Variants in LRRC7 observed in about 807,000 individuals in gnomAD.
LRRC7 encodes leucine rich repeat containing 7.
In LRRC7, 23 loss-of-function variants were observed where a neutral mutation model predicts 175.7. That is an observed-to-expected ratio of 0.13 (90% CI 0.09 to 0.19). The LOEUF is 0.19. Among genes scored for constraint, LRRC7 ranks in the 10% least tolerant of loss-of-function variants. The pLI is 1.00. For synonymous variants in LRRC7, 685 were observed against 680.9 expected (o/e 1.01, Z -0.09); for missense variants, 1,354 against 1,904.7 (o/e 0.71, Z 5.38).
intron 9 of LRRC7, among the ~76,000 whole-genome samples, chr1:69,982,341 G>A (rs189162698): frequency 6.6e-6 from 1 of 152,286 alleles, no homozygotes; most frequent in East Asian, 1.9e-4. Flanking sequence ...GCCAGAAATA[G>A]CCATGGCTTT....
chr1:69,675,502 GT>G, intron 1 of LRRC7, among the ~76,000 whole-genome samples: 2 of 152,210 alleles, frequency 1.3e-5, no homozygotes, highest in South Asian at 4.1e-4. Context: ...GAGTAAAAGT[GT>G]TTTTAAAAAT....
At chr1:69,596,430 A>G (rs1472582269) in intron 1 of LRRC7, among the ~76,000 whole-genome samples, 1 of 152,144 alleles carries the variant, frequency 6.6e-6, no homozygotes, top group Admixed American at 6.5e-5. Flanking sequence ...GATAATACTT[A>G]TTTCTTCACA....
intron 7 of LRRC7, among the ~76,000 whole-genome samples, chr1:69,857,015 C>T (rs530775504): frequency 6.6e-6 from 1 of 152,204 alleles, no homozygotes; most frequent in East Asian, 1.9e-4. Context: ...ACAAAAACCA[C>T]GTGGTTATCT....
intron 4 of LRRC7, among the ~76,000 whole-genome samples, chr1:69,817,523 A>C (rs1678740156): frequency 6.6e-6 from 1 of 151,958 alleles, no homozygotes; most frequent in African/African-American, 2.4e-5. Flanking sequence ...GCCCGTTTTG[A>C]TTATAATAGC....
At chr1:69,673,098 C>G (rs982210074) in intron 1 of LRRC7, among the ~76,000 whole-genome samples, 1 of 152,138 alleles carries the variant, frequency 6.6e-6, no homozygotes, top group Admixed American at 6.5e-5. Flanking sequence ...TACAGAGGTT[C>G]CCAAATGCCA....
chr1:69,930,647 A>G (rs146725161), intron 7 of LRRC7, among the ~76,000 whole-genome samples: 1 of 152,286 alleles, frequency 6.6e-6, no homozygotes, highest in East Asian at 1.9e-4. Flanking sequence ...CTGTTTTCAC[A>G]CTGCTATAAA....
intron 3 of LRRC7, among the ~76,000 whole-genome samples, chr1:69,782,109 C>A (rs1306611815): frequency 6.6e-6 from 1 of 152,048 alleles, no homozygotes; most frequent in Non-Finnish European, 1.5e-5. Context: ...ACCTTATTTA[C>A]AACATTGTTG....
At chr1:69,569,712 C>T (rs1645656312) in intron 1 of LRRC7, among the ~76,000 whole-genome samples, 1 of 151,994 alleles carries the variant, frequency 6.6e-6, no homozygotes, top group Non-Finnish European at 1.5e-5. Flanking sequence ...AAGGACCCGC[C>T]TCCGCCCTCT....
chr1:69,895,427 G>C (rs984745523), intron 7 of LRRC7, among the ~76,000 whole-genome samples: 2 of 152,074 alleles, frequency 1.3e-5, no homozygotes, highest in Non-Finnish European at 2.9e-5. Context: ...TCACCAAACT[G>C]TGTATATTAA....
At chr1:69,974,216 T>C (rs1652579192) in intron 8 of LRRC7, among the ~76,000 whole-genome samples, 1 of 152,224 alleles carries the variant, frequency 6.6e-6, no homozygotes. Flanking sequence ...TCATTGCTGT[T>C]CATTTTAACA....
intron 7 of LRRC7, 94 bp from the exon 8 acceptor site, chr1:69,931,413 A>T (rs940972883): frequency 7.4e-6 from 7 of 941,490 alleles, no homozygotes; most frequent in Non-Finnish European, 1.0e-5. Context: ...GTACTACGCA[A>T]TCAGGTAAAT....
intron 1 of LRRC7, among the ~76,000 whole-genome samples, chr1:69,570,725 CT>C (rs779347517): frequency 5.3e-5 from 8 of 152,186 alleles, no homozygotes; most frequent in East Asian, 1.9e-4. Flanking sequence ...GCAATGAAGT[CT>C]TTACTTTTTA....
chr1:69,604,142 A>G (rs765545231), intron 1 of LRRC7, among the ~76,000 whole-genome samples: 1 of 152,096 alleles, frequency 6.6e-6, no homozygotes, highest in East Asian at 1.9e-4. Context: ...AAGACAAGCT[A>G]TGGCTTCTGT....
chr1:69,636,727 A>T (rs942185360), intron 1 of LRRC7, among the ~76,000 whole-genome samples: 2 of 151,986 alleles, frequency 1.3e-5, no homozygotes, highest in Non-Finnish European at 2.9e-5. Context: ...AAGACCTCAG[A>T]GTTGAAATTC....
At chr1:70,113,132 G>A (rs1665631695) in intron 26 of LRRC7, among the ~76,000 whole-genome samples, 1 of 152,150 alleles carries the variant, frequency 6.6e-6, no homozygotes, top group East Asian at 1.9e-4. Context: ...TAAATGAAAT[G>A]TCTGTCTATG....
Position 70,121,932 on chromosome 1 carries a change from T to C in LRRC7, c.*45T>C. 1 of 1,391,246 alleles carries C rather than the reference T, an allele frequency of 7.2e-7. No homozygotes were observed. The highest frequency in any genetic ancestry group is 1.0e-6 in the Non-Finnish European group (1 of 997,590). The allele number at this position is 1,391,246 out of a possible 1,614,324, so 86.2% of individuals were successfully genotyped here. A position where few individuals can be genotyped will look rare whatever the true frequency, so the allele number is the denominator to read the frequency against. ...AAGATACGTCTAGCCAGACCTAATG[T>C]TCAAAAATAAATTTATACATAGAAA... On this transcript the variant is annotated 3_prime_UTR_variant, in exon 27 of 27. Coordinates refer to ENST00000651989, the MANE Select transcript of LRRC7 (RefSeq NM_001370785.2).
At chr1:69,671,335 C>G (rs554280478) in intron 1 of LRRC7, among the ~76,000 whole-genome samples, 1 of 152,208 alleles carries the variant, frequency 6.6e-6, no homozygotes, top group East Asian at 1.9e-4. Flanking sequence ...TTGACTGGTG[C>G]TCTATCCTAC....
At chr1:69,991,910 C>A (rs548635617) in intron 10 of LRRC7, among the ~76,000 whole-genome samples, 1 of 152,092 alleles carries the variant, frequency 6.6e-6, no homozygotes, top group East Asian at 1.9e-4. Context: ...GGAGAGTTTT[C>A]ATAATCAGCT....
At chr1:69,610,555 G>T (rs1648543455) in intron 1 of LRRC7, among the ~76,000 whole-genome samples, 1 of 151,826 alleles carries the variant, frequency 6.6e-6, no homozygotes, top group South Asian at 2.1e-4. Context: ...GGCCTTTATA[G>T]TGTCTTTGTA....
Sources: gnomAD v4.1 joint callset for allele counts (sites outside exome capture counted in the v4.1 genomes callset) on GRCh38, gnomAD v4.1.1 for gene constraint, MANE v1.5 for transcripts, NCBI Gene and HGNC (gene_info 2026-07-23, HGNC 2026-07-21) for gene names.